Variants in ELOVL6 observed in about 807,000 individuals in gnomAD.
ELOVL6 encodes the protein very long chain fatty acid elongase 6.
ELOVL6 carries 8 observed loss-of-function variants against 31.7 expected under a neutral mutation model. The ratio of observed to expected loss-of-function variants is 0.25; its 90% confidence interval spans 0.15 to 0.45. ELOVL6 has a LOEUF of 0.45. Ranked by LOEUF, ELOVL6 falls within the 20% of genes least tolerant of loss-of-function variation. The probability of loss-of-function intolerance (pLI) is 1.00; values close to 1 mark genes in which losing one functional copy is unlikely to be tolerated. For synonymous variants in ELOVL6, 101 were observed against 117.7 expected, an observed-to-expected ratio of 0.86 and a Z score of 0.92; for missense variants, 126 against 326.4, an observed-to-expected ratio of 0.39 and a Z score of 4.73.
chr4:110,151,685 AAAG>A (rs1169814888), intron 1 of ELOVL6, among the ~76,000 whole-genome samples: 1 of 152,246 alleles, frequency 6.6e-6, no homozygotes, highest in Non-Finnish European at 1.5e-5. Flanking sequence ...TGTGGGCCAT[AAAG>A]AAGTCTAAAA....
At chr4:110,133,173 CA>C (rs1332402413) in intron 1 of ELOVL6, among the ~76,000 whole-genome samples, 4 of 151,976 alleles carry the variant, frequency 2.6e-5, no homozygotes, top group South Asian at 2.1e-4. Context: ...TGTCATGGGT[CA>C]GGGGTAGAGA....
At chr4:110,139,410 ATTTAAG>A (rs949748229) in intron 1 of ELOVL6, among the ~76,000 whole-genome samples, 39 of 152,216 alleles carry the variant, frequency 2.6e-4, no homozygotes, top group East Asian at 1.3e-3. Flanking sequence ...TCCTTCTCTT[ATTTAAG>A]TTTATTTTAT....
At chr4:110,060,450 C>G (rs1236585268) in intron 2 of ELOVL6, among the ~76,000 whole-genome samples, 1 of 152,160 alleles carries the variant, frequency 6.6e-6, no homozygotes, top group Non-Finnish European at 1.5e-5. Context: ...TTCTTCAATG[C>G]CCCGCAATGT....
At chr4:110,068,243 T>TA (rs144876751) in intron 2 of ELOVL6, among the ~76,000 whole-genome samples, 1 of 152,140 alleles carries the variant, frequency 6.6e-6, no homozygotes, top group Non-Finnish European at 1.5e-5. Context: ...ATTCTGTATC[T>TA]AAAATGGTAC....
At chr4:110,177,640 A>G (rs535213327) in intron 1 of ELOVL6, among the ~76,000 whole-genome samples, 27 of 152,204 alleles carry the variant, frequency 1.8e-4, no homozygotes, top group African/African-American at 6.5e-4. Context: ...GTGACCATGA[A>G]GAAAAAACTA....
intron 2 of ELOVL6, among the ~76,000 whole-genome samples, chr4:110,094,920 T>C (rs908451630): frequency 6.6e-6 from 1 of 152,164 alleles, no homozygotes; most frequent in Non-Finnish European, 1.5e-5. Context: ...ATTCAACAAC[T>C]ATGTATGCAC....
intron 2 of ELOVL6, among the ~76,000 whole-genome samples, chr4:110,070,877 T>G (rs76781087): frequency 2.0e-5 from 3 of 150,896 alleles, no homozygotes; most frequent in African/African-American, 7.3e-5. Flanking sequence ...CAATTAAACC[T>G]CTTTTTTTTT....
intron 1 of ELOVL6, among the ~76,000 whole-genome samples, chr4:110,179,746 T>C (rs926364316): frequency 2.0e-5 from 3 of 152,354 alleles, no homozygotes; most frequent in South Asian, 2.1e-4. Context: ...GGAGCTGTTA[T>C]GTTGTAACTA....
intron 2 of ELOVL6, among the ~76,000 whole-genome samples, chr4:110,097,548 G>A (rs987805641): frequency 4.6e-5 from 7 of 151,898 alleles, no homozygotes; most frequent in African/African-American, 1.5e-4. Context: ...ATACAGTGTG[G>A]GTGCTTCACT....
rs1754801052 is a variant in ELOVL6, at chr4:110,050,167, GC to G, written c.*1170del. The stretch of plus-strand genomic sequence containing the variant: ...TAAACACCTCTACATTGCTTGGGGA[GC>G]AAATGCAGATGATGCAGAAACACAG... On this transcript the variant is annotated 3_prime_UTR_variant, in exon 4 of 4. Coordinates refer to ENST00000302274, the MANE Select transcript of ELOVL6 (RefSeq NM_024090.3). 1 of 152,592 alleles carries G rather than the reference GC, an allele frequency of 6.6e-6. No individual in the cohort carries two copies. The highest frequency in any genetic ancestry group is 1.5e-5 in the Non-Finnish European group (1 of 68,034). The allele number at this position is 152,592 out of a possible 1,614,324, so 9.5% of individuals were successfully genotyped here.
Position 110,073,180 on chromosome 4 carries a change from C to T in ELOVL6, c.222-13426G>A, listed in dbSNP as rs1578454953. Among the ~76,000 whole-genome samples, 3 of 152,104 alleles carry T rather than the reference C, an allele frequency of 2.0e-5. No homozygotes were observed. The South Asian group carries it at 6.2e-4, about 32-fold the overall frequency. ...TTTCAAAATGAGAAATCTATGTATA[C>T]CTTTATCATCTCCATACCACACGTG... is the stretch of plus-strand genomic sequence containing the variant. On this transcript the variant is annotated intron_variant, in intron 2 of 3. Transcript: ENST00000302274.
intron 1 of ELOVL6, among the ~76,000 whole-genome samples, chr4:110,182,478 T>C (rs1173664854): frequency 6.6e-6 from 1 of 152,230 alleles, no homozygotes; most frequent in Non-Finnish European, 1.5e-5. Context: ...GTATTGTACA[T>C]ACATCTTTGT....
chr4:110,158,657 A>ATATTTTT, intron 1 of ELOVL6, among the ~76,000 whole-genome samples: 10 of 74,158 alleles, frequency 1.3e-4, no homozygotes, highest in African/African-American at 5.0e-4. Context: ...ATATATATAT[A>ATATTTTT]TTTTTTTTTT....
At chr4:110,114,315 A>G (rs1449475240) in intron 1 of ELOVL6, among the ~76,000 whole-genome samples, 1 of 152,136 alleles carries the variant, frequency 6.6e-6, no homozygotes, top group African/African-American at 2.4e-5. Flanking sequence ...ATTATGGGCT[A>G]TGTCAGTCAA....
chr4:110,152,317 T>C (rs915752028), intron 1 of ELOVL6, among the ~76,000 whole-genome samples: 3 of 152,210 alleles, frequency 2.0e-5, no homozygotes, highest in Non-Finnish European at 2.9e-5. Flanking sequence ...AAAAAACCCA[T>C]CTATCACGGT....
intron 3 of ELOVL6, among the ~76,000 whole-genome samples, chr4:110,054,452 T>C (rs1382515422): frequency 6.6e-6 from 1 of 152,226 alleles, no homozygotes; most frequent in East Asian, 1.9e-4. Flanking sequence ...CCTTGGTTCA[T>C]AGTGTAAAGA....
In ELOVL6 at chr4:110,062,053, TG is replaced by T. The variant is rs535856195; in HGVS notation, c.222-2300del. 8.5e-5 allele frequency among the ~76,000 whole-genome samples: 13 copies of T among 152,056 alleles called. No homozygotes were observed. The East Asian group carries it at 2.5e-3, about 29-fold the overall frequency. The stretch of plus-strand genomic sequence containing the variant: ...ATTGGCATGGTTTTAGATGATGGAG[TG>T]AAAAAAAATCATTAAGCTAACTCTG... On this transcript the variant is annotated intron_variant, in intron 2 of 3. Transcript: ENST00000302274.
chr4:110,094,439 ATAT>A (rs1560820694), intron 2 of ELOVL6, among the ~76,000 whole-genome samples: 2,115 of 49,132 alleles, frequency 0.043, 97 homozygotes, highest in African/African-American at 0.064. Context: ...ATATATATAT[ATAT>A]AATATATATA....
chr4:110,158,482 C>T (rs1320526362), intron 1 of ELOVL6, among the ~76,000 whole-genome samples: 1 of 143,120 alleles, frequency 7.0e-6, no homozygotes, highest in East Asian at 2.0e-4. Flanking sequence ...TTCTGTATCC[C>T]GAGGGCACGA....
Sources: allele counts gnomAD v4.1 joint callset (sites outside exome capture counted in the v4.1 genomes callset), GRCh38; gene constraint gnomAD v4.1.1; transcripts MANE v1.5; gene names NCBI Gene and HGNC (gene_info 2026-07-23, HGNC 2026-07-21).